Variants in CFLAR observed in about 807,000 individuals in gnomAD.
CFLAR encodes CASP8 and FADD like apoptosis regulator.
A neutral mutation model predicts 51.1 loss-of-function variants in CFLAR; 14 were observed. The ratio of observed to expected loss-of-function variants is 0.27; its 90% confidence interval spans 0.18 to 0.43. The LOEUF (loss-of-function observed/expected upper bound fraction) is 0.43, where lower values mean the gene tolerates loss of function less well. CFLAR is among the 20% of genes least tolerant of loss of function. CFLAR has a pLI of 1.00. For synonymous variants in CFLAR, 210 were observed against 211.6 expected (o/e 0.99, Z 0.06); for missense variants, 390 against 566.5 (o/e 0.69, Z 3.16).
chr2:201,136,160 T>C (rs2050077869), intron 4 of CFLAR, 53 bp downstream of exon 4: 1 of 1,612,490 alleles, frequency 6.2e-7, no homozygotes, highest in South Asian at 1.1e-5. Context: ...TGCATGGGGG[T>C]GGGCATCATG....
At chr2:201,144,846 C>CT (rs1037771210) in intron 5 of CFLAR, among the ~76,000 whole-genome samples, 6 of 151,258 alleles carry the variant, frequency 4.0e-5, no homozygotes, top group Admixed American at 1.3e-4. Flanking sequence ...TTTTTCTTTT[C>CT]TTTTTTTTTA....
Position 201,175,145 on chromosome 2 carries a change from T to C in CFLAR, c.*11172T>C, listed in dbSNP as rs1350696728. On this transcript the variant is annotated 3_prime_UTR_variant, in exon 10 of 10. Coordinates refer to ENST00000309955, the MANE Select transcript of CFLAR (RefSeq NM_003879.7). ...TATAGTCAAGAAGCAACCATAAATA[T>C]AGCCAGTCAGCAGCCCATCAGGGCT... The C allele has an allele frequency of 6.6e-6, 1 of 152,212 alleles. No homozygotes were observed. Among genetic ancestry groups the C allele is most frequent in the Non-Finnish European group, 1.5e-5 (1 of 68,048 alleles). The allele number at this position is 152,212 out of a possible 1,614,324, so 9.4% of individuals were successfully genotyped here.
rs1192429927 is a variant in CFLAR, at chr2:201,163,838, A to G, written c.1308A>G (p.Lys436=). 2 of 1,601,092 alleles carry G rather than the reference A, an allele frequency of 1.2e-6. No individual in the cohort carries two copies. Among genetic ancestry groups the G allele is most frequent in the African/African-American group, 2.7e-5 (2 of 73,986 alleles). Residue 436 remains lysine, a synonymous_variant, in exon 10 of 10, where the codon AAA becomes AAG. Coordinates refer to ENST00000309955, the MANE Select transcript of CFLAR (RefSeq NM_003879.7). ...TTGCCTTTCTTGTTTTCTCCAGAAA[A>G]CGCCCACTCCTGGATCTTCACATTG... ...CLSQKLRQER[K]RPLLDLHIEL...
chr2:201,157,670 C>G (rs1942405142), intron 8 of CFLAR: 1 of 152,374 alleles, frequency 6.6e-6, no homozygotes, highest in Non-Finnish European at 1.5e-5. Context: ...GCCACTGCAC[C>G]TGGCCAAGCA....
At chr2:201,156,012 G>C (rs1942119298) in intron 8 of CFLAR, among the ~76,000 whole-genome samples, 1 of 152,144 alleles carries the variant, frequency 6.6e-6, no homozygotes, top group Non-Finnish European at 1.5e-5. Context: ...TCCTGCCTTG[G>C]CCTCCCAAAG....
intron 9 of CFLAR, chr2:201,163,109 A>G: frequency 1.3e-6 from 1 of 746,490 alleles, no homozygotes; most frequent in Non-Finnish European, 2.4e-6. Context: ...ATAGGAGAGT[A>G]GCTGTGTCCC....
At position 201,124,162 on chromosome 2, in the gene CFLAR, T is replaced by G. The variant is rs1233067370; in HGVS notation, c.-137-5567T>G. Among the ~76,000 whole-genome samples, 2 of 152,198 alleles carry G rather than the reference T, an allele frequency of 1.3e-5. No homozygotes were observed. The highest frequency in any genetic ancestry group is 2.9e-5 in the Non-Finnish European group (2 of 68,036). On this transcript the variant is annotated intron_variant, in intron 1 of 9. Coordinates refer to ENST00000309955, the MANE Select transcript of CFLAR (RefSeq NM_003879.7). This position sits in a 1 kb window ranked among gnomAD's most constrained non-coding sequence, Gnocchi z 4.7. ...TCATGCTGCATGCTTTGCTACTGATTACAGGGAACAATATGTGCCTTTGTT... is the reference window on the plus strand; with the variant it reads ...TCATGCTGCATGCTTTGCTACTGATGACAGGGAACAATATGTGCCTTTGTT...
chr2:201,160,820 A>C lies in CFLAR; in HGVS notation c.1182A>C (p.Thr394=). 6.2e-7 allele frequency: 1 copy of C among 1,614,112 alleles called. No homozygotes were observed. The highest frequency in any genetic ancestry group is 8.5e-7 in the Non-Finnish European group (1 of 1,179,992). The change falls in exon 9 of 10, where the codon ACA becomes ACC. Residue 394 remains threonine, a synonymous_variant. Transcript: ENST00000309955. Reference sequence around the variant, plus strand: ...AGGCTCAGAAGCGAGGGCTGTGCACAGTTCACCGAGAAGCTGACTTCTTCT... The same window carrying C: ...AGGCTCAGAAGCGAGGGCTGTGCACCGTTCACCGAGAAGCTGACTTCTTCT... ...EFKAQKRGLC[T]VHREADFFWS...
rs1007628036 is a variant in CFLAR, at chr2:201,164,311, C to T, written c.*338C>T. 2 of 177,244 alleles carry T rather than the reference C, an allele frequency of 1.1e-5. No individual in the cohort carries two copies. The highest frequency in any genetic ancestry group is 2.4e-5 in the African/African-American group (1 of 41,608). The allele number at this position is 177,244 out of a possible 1,614,324, so 11.0% of individuals were successfully genotyped here. A position where few individuals can be genotyped will look rare whatever the true frequency, so the allele number is the denominator to read the frequency against. ...AAAAAAAAGGACAGGAACTATCTTA[C>T]TCAATGTATTAGTCATGTTTCTCTA... On this transcript the variant is annotated 3_prime_UTR_variant, in exon 10 of 10. Transcript: ENST00000309955.
chr2:201,136,410 G>C, intron 4 of CFLAR: 1 of 1,598,416 alleles, frequency 6.3e-7, no homozygotes, highest in Non-Finnish European at 8.5e-7. Flanking sequence ...ACATTCAGGG[G>C]TTTTGCATGT....
intron 1 of CFLAR, among the ~76,000 whole-genome samples, chr2:201,126,941 G>T (rs1336433886): frequency 6.6e-6 from 1 of 152,176 alleles, no homozygotes; most frequent in African/African-American, 2.4e-5. Context: ...AACAGAAATT[G>T]GTCTCAAGTT....
chr2:201,163,439 C>T, intron 9 of CFLAR: 1 of 1,110,850 alleles, frequency 9.0e-7, no homozygotes, highest in Non-Finnish European at 1.1e-6. Flanking sequence ...AGGAATAAAT[C>T]TCATGGCCTT....
intron 7 of CFLAR, chr2:201,149,308 T>C: frequency 2.6e-6 from 1 of 387,576 alleles, no homozygotes; most frequent in Non-Finnish European, 4.7e-6. Flanking sequence ...CTGCTGAACA[T>C]ATTAGTCAGC....
chr2:201,144,983 G>A (rs577375311), intron 5 of CFLAR, among the ~76,000 whole-genome samples: 16 of 152,208 alleles, frequency 1.1e-4, no homozygotes, highest in African/African-American at 2.9e-4. Flanking sequence ...CTCCTGAGAA[G>A]CTGGGATTAC....
chr2:201,132,954 A>C, intron 2 of CFLAR, 75 bp from the exon 3 acceptor site: 1 of 1,515,260 alleles, frequency 6.6e-7, no homozygotes, highest in Non-Finnish European at 9.1e-7. Context: ...ATTGTTGCAT[A>C]GGGGAGGCGT....
At chr2:201,145,581 T>A (rs1478240148) in intron 6 of CFLAR, 149 bp downstream of exon 6, 4 of 597,464 alleles carry the variant, frequency 6.7e-6, no homozygotes, top group Non-Finnish European at 1.2e-5. Flanking sequence ...TACGATAGAC[T>A]CATTGGCATT....
rs1029906026 is a variant in CFLAR at position 201,175,535 on chromosome 2, G to A, written c.*11562G>A. 3 of 152,308 alleles carry A rather than the reference G, an allele frequency of 2.0e-5. No individual in the cohort carries two copies. The highest frequency in any genetic ancestry group is 1.3e-4 in the Admixed American group (2 of 15,248). 9.4% of individuals were successfully genotyped at this position (152,308 alleles called of 1,614,324 possible). On this transcript the variant is annotated 3_prime_UTR_variant, in exon 10 of 10. Transcript: ENST00000309955. ...GCTACTCGGAAGGCTGAGGTGGGAG[G>A]ATCACTTGAGCCCGGGAGGTGGAGG...
chr2:201,147,323 G>A (rs1940395368), intron 6 of CFLAR, among the ~76,000 whole-genome samples: 1 of 151,794 alleles, frequency 6.6e-6, no homozygotes, highest in African/African-American at 2.4e-5. Context: ...GAGGTCAGGA[G>A]TTCAAGACCA....
At chr2:201,151,327 T>C (rs1030659065) in intron 8 of CFLAR, 1 of 152,226 alleles carries the variant, frequency 6.6e-6, no homozygotes, top group Non-Finnish European at 1.5e-5. Context: ...ATTTAGCTCT[T>C]CCTTAAGAGG....
Sources: allele counts gnomAD v4.1 joint callset (sites outside exome capture counted in the v4.1 genomes callset), GRCh38; gene constraint gnomAD v4.1.1; non-coding constraint Gnocchi (gnomAD v3.1); transcripts MANE v1.5; gene names NCBI Gene and HGNC (gene_info 2026-07-23, HGNC 2026-07-21).